The following PLEKHB2 variants were observed in gnomAD, a reference collection of about 807,000 sequenced individuals.
PLEKHB2 encodes the protein pleckstrin homology domain-containing family B member 2.
PLEKHB2 carries 31 observed loss-of-function variants against 36.5 expected under a neutral mutation model. The ratio of observed to expected loss-of-function variants is 0.85; its 90% CI spans 0.64 to 1.15. The LOEUF is 1.15. Ranked by LOEUF, PLEKHB2 falls within the 50% of genes most tolerant of loss-of-function variation. The pLI is 0.00. For missense variants in PLEKHB2, 262 were observed against 295.3 expected (o/e 0.89, Z 0.83); for synonymous variants, 119 against 112.0 (o/e 1.06, Z -0.39).
chr2:131,121,119 T>A, intron 2 of PLEKHB2, 141 bp downstream of exon 2: 1 of 741,662 alleles, frequency 1.3e-6, no homozygotes, highest in Non-Finnish European at 2.2e-6. Context: ...TGGACATTCC[T>A]AGATCTCTGT....
intron 3 of PLEKHB2, among the ~76,000 whole-genome samples, chr2:131,126,459 G>C (rs1014029268): frequency 2.0e-5 from 3 of 152,214 alleles, no homozygotes; most frequent in Admixed American, 2.0e-4. Flanking sequence ...CCGGGAGTCA[G>C]AGGTTGCAGT....
rs1037975323 is a variant in PLEKHB2 at position 131,126,666 on chromosome 2, T to G, written c.191-18T>G. 4 of 1,470,348 alleles carry G rather than the reference T, an allele frequency of 2.7e-6. No individual in the cohort carries two copies. In the Admixed American group the frequency reaches 5.0e-5, roughly 19 times the overall value. 91.1% of individuals were successfully genotyped at this position (1,470,348 alleles called of 1,614,324 possible). A position where few individuals can be genotyped will look rare whatever the true frequency, so the allele number is the denominator to read the frequency against. On this transcript the variant is annotated intron_variant, in intron 3 of 7. Transcript: ENST00000693505. Reference sequence around the variant, plus strand: ...GAAATCCTGAAAAAAGTTCCTTTATTCTGCTTATTTTTCATAGATACTCAG... The same window carrying G: ...GAAATCCTGAAAAAAGTTCCTTTATGCTGCTTATTTTTCATAGATACTCAG...
At chr2:131,139,725 C>A (rs1038794853) in intron 6 of PLEKHB2, among the ~76,000 whole-genome samples, 1 of 152,158 alleles carries the variant, frequency 6.6e-6, no homozygotes, top group African/African-American at 2.4e-5. Context: ...CATATTGTGC[C>A]TGGAATTGCT....
intron 2 of PLEKHB2, among the ~76,000 whole-genome samples, chr2:131,124,306 G>A (rs1356628836): frequency 6.6e-6 from 1 of 152,160 alleles, no homozygotes. Flanking sequence ...ACCAGTTGCA[G>A]GCACGGCAAC....
At chr2:131,138,526 G>A (rs1698487157) in intron 6 of PLEKHB2, among the ~76,000 whole-genome samples, 1 of 152,104 alleles carries the variant, frequency 6.6e-6, no homozygotes, top group Admixed American at 6.6e-5. Flanking sequence ...ACCTCCTTCT[G>A]GGGAGCTGCT....
At chr2:131,134,126 C>G (rs1235748131) in intron 6 of PLEKHB2, among the ~76,000 whole-genome samples, 5 of 152,070 alleles carry the variant, frequency 3.3e-5, no homozygotes, top group African/African-American at 1.2e-4. Flanking sequence ...GTCTCAATCT[C>G]CTGACCTCAT....
At chr2:131,138,109 CT>C (rs768184113) in intron 6 of PLEKHB2, among the ~76,000 whole-genome samples, 9 of 126,678 alleles carry the variant, frequency 7.1e-5, no homozygotes, top group Non-Finnish European at 1.5e-4. Flanking sequence ...TTTATGGATT[CT>C]TTCCTTTGTC....
At chr2:131,137,172 C>T (rs1421508326) in intron 6 of PLEKHB2, among the ~76,000 whole-genome samples, 5 of 149,084 alleles carry the variant, frequency 3.4e-5, no homozygotes, top group Non-Finnish European at 5.9e-5. Flanking sequence ...CGGTCTCGAT[C>T]TCCTGACCTC....
At position 131,121,090 on chromosome 2, in the gene PLEKHB2, A is replaced by G. The variant is rs1242557630; in HGVS notation, c.37+112A>G. ...CAAATAACAAAGTTTTATGAGTGCT[A>G]TGGCCTTGAGTTTCCCCTTGGACAT... On this transcript the variant is annotated intron_variant, in intron 2 of 7. Transcript: ENST00000693505. 1.5e-5 allele frequency: 15 copies of G among 993,712 alleles called. No individual in the cohort carries two copies. In the East Asian group the frequency reaches 1.7e-4, roughly 11 times the overall value. The allele number at this position is 993,712 out of a possible 1,614,324, so 61.6% of individuals were successfully genotyped here.
At chr2:131,111,493 G>GT (rs1163136912) in intron 1 of PLEKHB2, among the ~76,000 whole-genome samples, 4,144 of 117,754 alleles carry the variant, frequency 0.035, 140 homozygotes, top group African/African-American at 0.086. Flanking sequence ...TTTTATTCTT[G>GT]TTTTTTTTTT....
intron 4 of PLEKHB2, among the ~76,000 whole-genome samples, chr2:131,129,828 A>G (rs1697499291): frequency 6.6e-6 from 1 of 152,108 alleles, no homozygotes; most frequent in African/African-American, 2.4e-5. Flanking sequence ...CTCTTGTGAT[A>G]CTTAAGGTTC....
intron 6 of PLEKHB2, among the ~76,000 whole-genome samples, chr2:131,136,825 T>C (rs1017926212): frequency 2.0e-5 from 3 of 151,846 alleles, no homozygotes; most frequent in African/African-American, 7.3e-5. Context: ...TTGTGTAGAA[T>C]TGGCATTAAT....
At chr2:131,140,084 T>G in intron 6 of PLEKHB2, 83 bp from the exon 7 acceptor site, 2 of 748,256 alleles carry the variant, frequency 2.7e-6, no homozygotes, top group Non-Finnish European at 4.4e-6. Context: ...TTGAATTTTA[T>G]TGATTGCAAC....
intron 1 of PLEKHB2, among the ~76,000 whole-genome samples, chr2:131,106,753 T>G (rs1694779463): frequency 6.6e-6 from 1 of 152,180 alleles, no homozygotes; most frequent in African/African-American, 2.4e-5. Flanking sequence ...GACTCTTCCC[T>G]ATTCGTACTG....
At chr2:131,117,401 G>A (rs1048490566) in intron 1 of PLEKHB2, among the ~76,000 whole-genome samples, 8 of 152,124 alleles carry the variant, frequency 5.3e-5, no homozygotes, top group South Asian at 2.1e-4. Flanking sequence ...CAGCCTGGGC[G>A]ATGGCACAAA....
Position 131,148,791 on chromosome 2 carries a change from G to GT in PLEKHB2, c.*2020dup, listed in dbSNP as rs1236018559. ...AACTCTAGTGTCCATGGTTTAAAAT[G>GT]TTGCTTTGAGGATTTTCCATCCTGT... On this transcript the variant is annotated 3_prime_UTR_variant, in exon 8 of 8. Coordinates refer to ENST00000693505, the MANE Select transcript of PLEKHB2 (RefSeq NM_001100623.2). 1.3e-5 allele frequency: 2 copies of GT among 152,176 alleles called. No individual in the cohort carries two copies. Among genetic ancestry groups the GT allele is most frequent in the African/African-American group, 4.8e-5 (2 of 41,444 alleles). 9.4% of individuals were successfully genotyped at this position (152,176 alleles called of 1,614,324 possible).
intron 6 of PLEKHB2, among the ~76,000 whole-genome samples, chr2:131,139,291 T>G (rs935263420): frequency 1.3e-5 from 2 of 152,152 alleles, no homozygotes; most frequent in African/African-American, 4.8e-5. Flanking sequence ...CTTCTCTCTC[T>G]TCAGTCTTCT....
intron 1 of PLEKHB2, among the ~76,000 whole-genome samples, chr2:131,110,711 G>A (rs966769540): frequency 1.3e-5 from 2 of 151,976 alleles, no homozygotes; most frequent in Non-Finnish European, 2.9e-5. Context: ...TTCTGGCTTG[G>A]AAATAATTTT....
At chr2:131,134,447 A>C in intron 6 of PLEKHB2, among the ~76,000 whole-genome samples, 1 of 152,118 alleles carries the variant, frequency 6.6e-6, no homozygotes, top group Non-Finnish European at 1.5e-5. Context: ...TTATTTTCTG[A>C]AAGTTTTATA....
Sources: allele counts gnomAD v4.1 joint callset (sites outside exome capture counted in the v4.1 genomes callset), GRCh38; gene constraint gnomAD v4.1.1; transcripts MANE v1.5; gene names NCBI Gene and HGNC (gene_info 2026-07-23, HGNC 2026-07-21).